CERKL: variants seen among roughly 807,000 people sequenced by gnomAD.
CERKL encodes ceramide kinase-like protein.
Under a neutral mutation model 63.4 loss-of-function variants are expected in CERKL, and 61 were observed. That is an observed-to-expected ratio of 0.96 (90% CI 0.78 to 1.19). The LOEUF is 1.19. Ranked by LOEUF, CERKL falls within the 50% of genes most tolerant of loss-of-function variation. CERKL has a pLI of 0.00. For synonymous variants in CERKL, 250 were observed against 230.5 expected, an observed-to-expected ratio of 1.08 and a Z score of -0.77; for missense variants, 675 against 655.5, an observed-to-expected ratio of 1.03 and a Z score of -0.33.
chr2:181,567,671 G>C (rs1688722558), intron 3 of CERKL, among the ~76,000 whole-genome samples: 1 of 152,024 alleles, frequency 6.6e-6, no homozygotes, highest in Non-Finnish European at 1.5e-5. Flanking sequence ...TGAACAAAAT[G>C]AATTAGTCTT....
intron 1 of CERKL, among the ~76,000 whole-genome samples, chr2:181,624,489 C>T (rs1559111698): frequency 6.6e-6 from 1 of 152,096 alleles, no homozygotes. Context: ...GAGCTATGAT[C>T]ACCAGTGCAT....
At chr2:181,615,502 A>G (rs894888244) in intron 1 of CERKL, among the ~76,000 whole-genome samples, 1 of 152,222 alleles carries the variant, frequency 6.6e-6, no homozygotes, top group African/African-American at 2.4e-5. Flanking sequence ...GTTTCTGCAC[A>G]TGTCCACTTT....
Position 181,539,182 on chromosome 2 carries a change from T to A in CERKL, c.1448A>T (p.Glu483Val). 1.9e-6 allele frequency: 3 copies of A among 1,603,648 alleles called. No individual in the cohort carries two copies. The highest frequency in any genetic ancestry group is 2.6e-6 in the Non-Finnish European group (3 of 1,170,626). ...TGAAGCAGTTTCATCCTCCTCCTCC[T>A]CTGGATTATATCCACCAGTATTATT... ...PRNNTGGYNP[E>V]EEEDETASEN... Residue 483 changes from glutamate to valine, a missense_variant, in exon 12 of 13, where the codon GAG becomes GTG. Coordinates refer to ENST00000410087, the MANE Select transcript of CERKL (RefSeq NM_201548.5).
At chr2:181,605,260 G>T (rs1294130297) in intron 1 of CERKL, among the ~76,000 whole-genome samples, 1 of 152,178 alleles carries the variant, frequency 6.6e-6, no homozygotes. Flanking sequence ...AGAACTGGGG[G>T]TTCAGGAAGG....
intron 8 of CERKL, chr2:181,548,131 C>T: frequency 1.8e-6 from 1 of 563,374 alleles, no homozygotes; most frequent in South Asian, 2.3e-5. Context: ...GTATTACACA[C>T]TAGACCAAAA....
rs138986429 is a variant in CERKL at position 181,561,371 on chromosome 2, C to G, written c.678-2663G>C. ...GTTGCACTGAGCTGAGATTGCACCACTGCACTCCAGCCTGGGTGACAGGGT... is the reference window on the plus strand; with the variant it reads ...GTTGCACTGAGCTGAGATTGCACCAGTGCACTCCAGCCTGGGTGACAGGGT... On this transcript the variant is annotated intron_variant, in intron 4 of 12. Transcript: ENST00000410087. Among the ~76,000 whole-genome samples the G allele has an allele frequency of 3.8e-3, 567 of 149,978 alleles. 7 individuals are homozygous for G. The highest frequency in any genetic ancestry group is 0.013 in the African/African-American group (543 of 40,548).
chr2:181,620,803 T>G (rs559168204), intron 1 of CERKL, among the ~76,000 whole-genome samples: 36 of 152,260 alleles, frequency 2.4e-4, no homozygotes, highest in African/African-American at 8.4e-4. Flanking sequence ...AAAGAAACTG[T>G]CAGAAGCCTT....
chr2:181,554,158 TG>T (rs1242311538), intron 5 of CERKL, among the ~76,000 whole-genome samples: 1 of 107,872 alleles, frequency 9.3e-6, no homozygotes, highest in Non-Finnish European at 1.8e-5. Flanking sequence ...GGAGAAACTA[TG>T]GAGGCAAAAA....
At chr2:181,555,298 A>T (rs1199126536) in intron 5 of CERKL, among the ~76,000 whole-genome samples, 2 of 152,196 alleles carry the variant, frequency 1.3e-5, no homozygotes, top group Admixed American at 1.3e-4. Flanking sequence ...GAAATGTTGG[A>T]AAGTTTCCAC....
In CERKL at chr2:181,558,447, A is replaced by T; in HGVS notation, c.820+119T>A. 1 of 1,116,136 alleles carries T rather than the reference A, an allele frequency of 9.0e-7. No individual in the cohort carries two copies. The highest frequency in any genetic ancestry group is 1.3e-6 in the Non-Finnish European group (1 of 742,616). The allele number at this position is 1,116,136 out of a possible 1,614,324, so 69.1% of individuals were successfully genotyped here. ...TCTCACATTTGCTAGTGGGGATGCC[A>T]GAAGTCTGGATCTTTCAAAGTCTGT... On this transcript the variant is annotated intron_variant, in intron 5 of 12. Coordinates refer to ENST00000410087, the MANE Select transcript of CERKL (RefSeq NM_201548.5). This position sits in a 1 kb window ranked among gnomAD's most constrained non-coding sequence, Gnocchi z 4.2.
intron 2 of CERKL, among the ~76,000 whole-genome samples, chr2:181,584,986 C>T (rs1341918162): frequency 6.6e-6 from 1 of 151,544 alleles, no homozygotes; most frequent in Non-Finnish European, 1.5e-5. Flanking sequence ...TTCGTTTCCT[C>T]TGCTTGGACC....
intron 2 of CERKL, among the ~76,000 whole-genome samples, chr2:181,582,345 G>A (rs898785552): frequency 6.6e-6 from 1 of 152,058 alleles, no homozygotes; most frequent in East Asian, 1.9e-4. Flanking sequence ...TCATGAGGCT[G>A]CATATGTGTG....
At position 181,558,797 on chromosome 2, in the gene CERKL, A is replaced by G; in HGVS notation, c.678-89T>C. ...ATCTAGACTTCAAAATAGTTTACTA[A>G]TTTGTAGTCTATGTGCATAACTGCT... On this transcript the variant is annotated intron_variant, in intron 4 of 12. Coordinates refer to ENST00000410087, the MANE Select transcript of CERKL (RefSeq NM_201548.5). This position sits in a 1 kb window ranked among gnomAD's most constrained non-coding sequence, Gnocchi z 4.2. 1 of 1,348,540 alleles carries G rather than the reference A, an allele frequency of 7.4e-7. No homozygotes were observed. The highest frequency in any genetic ancestry group is 2.4e-5 in the East Asian group (1 of 42,128). 83.5% of individuals were successfully genotyped at this position (1,348,540 alleles called of 1,614,324 possible). A position where few individuals can be genotyped will look rare whatever the true frequency, so the allele number is the denominator to read the frequency against.
chr2:181,549,272 A>C (rs1687879972), intron 6 of CERKL, among the ~76,000 whole-genome samples: 1 of 152,180 alleles, frequency 6.6e-6, no homozygotes, highest in African/African-American at 2.4e-5. Context: ...TTTTTCATTA[A>C]TAACATAATC....
chr2:181,581,508 C>A (rs1377405627), intron 2 of CERKL, among the ~76,000 whole-genome samples: 2 of 152,174 alleles, frequency 1.3e-5, no homozygotes, highest in Non-Finnish European at 2.9e-5. Flanking sequence ...CCAATTGCCT[C>A]ACTTATTTTG....
chr2:181,570,313 T>A (rs1688849195), intron 3 of CERKL, among the ~76,000 whole-genome samples: 1 of 152,174 alleles, frequency 6.6e-6, no homozygotes, highest in African/African-American at 2.4e-5. Context: ...AATTGAACCA[T>A]ATGGCCTCGA....
At chr2:181,594,405 T>A (rs1426225429) in intron 2 of CERKL, among the ~76,000 whole-genome samples, 1 of 152,184 alleles carries the variant, frequency 6.6e-6, no homozygotes, top group East Asian at 1.9e-4. Flanking sequence ...TCACCTGGTT[T>A]GTATCAGACC....
intron 1 of CERKL, among the ~76,000 whole-genome samples, chr2:181,609,550 A>AAAAAAAAAAAC: frequency 6.8e-6 from 1 of 147,498 alleles, no homozygotes; most frequent in African/African-American, 2.5e-5. Context: ...AAAAAAAAAA[A>AAAAAAAAAAAC]AAAAAATTTG....
chr2:181,548,329 CAG>C lies in CERKL; in HGVS notation c.1133+214_1133+215del, dbSNP rs773622228. On this transcript the variant is annotated intron_variant, in intron 8 of 12. Coordinates refer to ENST00000410087, the MANE Select transcript of CERKL (RefSeq NM_201548.5). ...GAGAACGGAAGGAGGGAGGGAGAGA[CAG>C]GGGGAAGGAAGGGAGGAAAGAAGGA... 53 of 571,970 alleles carry C rather than the reference CAG, an allele frequency of 9.3e-5. No individual in the cohort carries two copies. In the Middle Eastern group the frequency reaches 1.3e-3, roughly 15 times the overall value. The allele number at this position is 571,970 out of a possible 1,614,324, so 35.4% of individuals were successfully genotyped here. A position where few individuals can be genotyped will look rare whatever the true frequency, so the allele number is the denominator to read the frequency against.
Sources: allele counts gnomAD v4.1 joint callset (sites outside exome capture counted in the v4.1 genomes callset), GRCh38; gene constraint gnomAD v4.1.1; non-coding constraint Gnocchi (gnomAD v3.1); transcripts MANE v1.5; gene names NCBI Gene and HGNC (gene_info 2026-07-23, HGNC 2026-07-21).